MROH2A: variants seen among roughly 807,000 people sequenced by gnomAD.
MROH2A encodes maestro heat like repeat family member 2A.
MROH2A carries 174 observed loss-of-function variants against 200.4 expected under a neutral mutation model. That is an observed-to-expected ratio of 0.87 (90% CI 0.77 to 0.98). The LOEUF is 0.98. MROH2A is among the 50% of genes least tolerant of loss of function. The pLI is 0.00. For synonymous variants in MROH2A, 829 were observed against 840.4 expected, an observed-to-expected ratio of 0.99 and a Z score of 0.23; for missense variants, 2,045 against 2,139.6, an observed-to-expected ratio of 0.96 and a Z score of 0.87.
At chr2:233,809,996 A>C (rs191703296) in intron 22 of MROH2A, among the ~76,000 whole-genome samples, 147 of 152,320 alleles carry the variant, frequency 9.7e-4, no homozygotes, top group African/African-American at 3.3e-3. Flanking sequence ...AAGTGCAATC[A>C]TATGATAGTT....
intron 5 of MROH2A, among the ~76,000 whole-genome samples, chr2:233,791,066 G>A (rs1701731277): frequency 6.6e-6 from 1 of 152,230 alleles, no homozygotes; most frequent in Non-Finnish European, 1.5e-5. Context: ...GGGCAGAGAA[G>A]AGCTTGGAAT....
intron 14 of MROH2A, 128 bp downstream of exon 14, chr2:233,800,443 C>T (rs920847640): frequency 4.8e-6 from 3 of 621,958 alleles, no homozygotes; most frequent in Non-Finnish European, 8.3e-6. Context: ...GGGCCTTCCT[C>T]TTCCAGTTGC....
In MROH2A at chr2:233,779,828, C is replaced by A. The variant is rs1700853685; in HGVS notation, c.252C>A (p.Leu84=). ...AGCCTTCTGTAGTGATAAACACTCTCATCCGCTGCCTGCAGGTGCCAGAGG... is the reference window on the plus strand; with the variant it reads ...AGCCTTCTGTAGTGATAAACACTCTAATCCGCTGCCTGCAGGTGCCAGAGG... ...TTEPSVVINT[L]IRCLQVPEIS... Residue 84 remains leucine, a synonymous_variant, in exon 3 of 42, where the codon CTC becomes CTA. Transcript: ENST00000389758. The A allele has an allele frequency of 1.9e-6, 3 of 1,550,338 alleles. No individual in the cohort carries two copies. The East Asian group carries it at 7.3e-5, about 38-fold the overall frequency.
chr2:233,799,640 A>T, intron 12 of MROH2A, 140 bp from the exon 13 acceptor site: 1 of 1,071,732 alleles, frequency 9.3e-7, no homozygotes, highest in South Asian at 1.6e-5. Context: ...GGGGAGGTGG[A>T]CAGAGTGGGC....
chr2:233,816,392 T>C (rs1301957720), intron 26 of MROH2A, among the ~76,000 whole-genome samples: 1 of 152,252 alleles, frequency 6.6e-6, no homozygotes, highest in Non-Finnish European at 1.5e-5. Flanking sequence ...TTAGGATTGT[T>C]ATGTCTGGTT....
intron 29 of MROH2A, among the ~76,000 whole-genome samples, 160 bp downstream of exon 29, chr2:233,818,930 G>T (rs187553500): frequency 7.2e-5 from 11 of 152,348 alleles, no homozygotes; most frequent in Admixed American, 7.2e-4. Flanking sequence ...GTGTTGAAAG[G>T]GCCTGCAGTA....
chr2:233,788,263 GTAATAA>G (rs71973977), intron 3 of MROH2A, among the ~76,000 whole-genome samples: 94,892 of 128,270 alleles, frequency 0.74, 35,417 homozygotes, highest in East Asian at 0.85. Context: ...GTCCTTGGGA[GTAATAA>G]TAATAATAAT....
In MROH2A at chr2:233,828,521, C is replaced by T; in HGVS notation, c.4114-109C>T. On this transcript the variant is annotated intron_variant, in intron 35 of 41. Coordinates refer to ENST00000389758, the MANE Select transcript of MROH2A (RefSeq NM_001394639.1). This position sits in a 1 kb window ranked among gnomAD's most constrained non-coding sequence, Gnocchi z 4.6. ...AACGGAGGCTCTCAGAGCCCCTCCC[C>T]TCCTGTCCACAGAGCCACCAATCTG... 7.3e-7 allele frequency: 1 copy of T among 1,370,862 alleles called. No homozygotes were observed. The highest frequency in any genetic ancestry group is 1.4e-5 in the South Asian group (1 of 69,328). The allele number at this position is 1,370,862 out of a possible 1,614,324, so 84.9% of individuals were successfully genotyped here.
intron 15 of MROH2A, 145 bp downstream of exon 15, chr2:233,802,460 C>G: frequency 1.1e-6 from 1 of 892,004 alleles, no homozygotes; most frequent in Non-Finnish European, 1.7e-6. Flanking sequence ...CTATTAATGC[C>G]TACCTGGATA....
chr2:233,831,433 T>G lies in MROH2A; in HGVS notation c.4627T>G (p.Cys1543Gly). Reference protein sequence around the residue: ...AQACMATMFQCVHFWGWKSLE... With the variant: ...AQACMATMFQGVHFWGWKSLE... ...GGCCTGTATGGCTACCATGTTTCAG[T>G]GTGTGCACTTCTGGGGCTGGAAGTC... Residue 1543 changes from cysteine to glycine, a missense_variant, in exon 39 of 42, where the codon TGT (cysteine) becomes GGT (glycine). Around this residue, in one of 3 missense-constraint regions of MROH2A, gnomAD observed 1,201 missense variants for 1,311.3 expected, o/e 0.92. Transcript: ENST00000389758. The G allele has an allele frequency of 6.5e-7, 1 of 1,550,272 alleles. No homozygotes were observed. The highest frequency in any genetic ancestry group is 8.7e-7 in the Non-Finnish European group (1 of 1,146,830).
At chr2:233,803,538 T>C in intron 16 of MROH2A, 50 bp downstream of exon 16, 2 of 1,541,458 alleles carry the variant, frequency 1.3e-6, no homozygotes, top group South Asian at 2.4e-5. Context: ...CCATGCCCTG[T>C]GGCACCTCTT....
intron 38 of MROH2A, 52 bp downstream of exon 38, chr2:233,829,827 A>G (rs1704598508): frequency 1.6e-6 from 2 of 1,280,596 alleles, no homozygotes; most frequent in African/African-American, 1.5e-5. Flanking sequence ...CTGTTCCCCG[A>G]GGAAACAGGT....
At chr2:233,797,928 C>A (rs1702221014) in intron 11 of MROH2A, among the ~76,000 whole-genome samples, 1 of 152,184 alleles carries the variant, frequency 6.6e-6, no homozygotes. Context: ...CCTTGGAATA[C>A]TATGCAGCCA....
chr2:233,788,542 A>C (rs1170068502), intron 3 of MROH2A, among the ~76,000 whole-genome samples: 7 of 152,094 alleles, frequency 4.6e-5, no homozygotes, highest in African/African-American at 1.7e-4. Flanking sequence ...AGGATTCTGG[A>C]CTGTTGGGAG....
chr2:233,831,349 C>T lies in MROH2A; in HGVS notation c.4603-60C>T, dbSNP rs1704734606. ...GCCCTCTGGCTTCCTGCCAGCCTCACCCCTCTGGGGAACCACGTGGCCTGG... is the reference window on the plus strand; with the variant it reads ...GCCCTCTGGCTTCCTGCCAGCCTCATCCCTCTGGGGAACCACGTGGCCTGG... On this transcript the variant is annotated intron_variant, in intron 38 of 41. Coordinates refer to ENST00000389758, the MANE Select transcript of MROH2A (RefSeq NM_001394639.1). 3.4e-6 allele frequency: 5 copies of T among 1,488,770 alleles called. No individual in the cohort carries two copies. In the South Asian group the frequency reaches 5.4e-5, roughly 16 times the overall value. 92.2% of individuals were successfully genotyped at this position (1,488,770 alleles called of 1,614,324 possible). A position where few individuals can be genotyped will look rare whatever the true frequency, so the allele number is the denominator to read the frequency against.
In MROH2A at chr2:233,820,710, A is replaced by G. The variant is rs1703878787; in HGVS notation, c.3512+654A>G. Among the ~76,000 whole-genome samples the G allele has an allele frequency of 6.6e-6, 1 of 152,212 alleles. No homozygotes were observed. The highest frequency in any genetic ancestry group is 1.5e-5 in the Non-Finnish European group (1 of 68,034). ...CAGAAAGAGCTAGACAGTCATCCCC[A>G]GAGCAGTGGAGCCTGTGCTGGTGCA... is the stretch of plus-strand genomic sequence containing the variant. On this transcript the variant is annotated intron_variant, in intron 31 of 41. Coordinates refer to ENST00000389758, the MANE Select transcript of MROH2A (RefSeq NM_001394639.1). The surrounding 1 kb of genome is among the most constrained non-coding windows in gnomAD (Gnocchi z 4.1).
At chr2:233,782,822 C>T (rs1346235349) in intron 3 of MROH2A, among the ~76,000 whole-genome samples, 3 of 152,152 alleles carry the variant, frequency 2.0e-5, no homozygotes, top group Admixed American at 2.0e-4. Context: ...TCGATTTCTT[C>T]CATCTGGTAC....
Position 233,818,023 on chromosome 2 carries a change from T to A in MROH2A, c.2983T>A (p.Phe995Ile), listed in dbSNP as rs535125815. 1.5e-5 allele frequency: 23 copies of A among 1,550,976 alleles called. 1 individual carries two copies. In the African/African-American group the frequency reaches 2.2e-4, roughly 15 times the overall value. ...AVCIHLKLGQ[F>I]GTMVGLIAPC... is the part of the protein sequence containing the mutation. ...TCAGATCCACCTAAAGCTGGGGCAG[T>A]TTGGCACAATGGTCGGACTCATTGC... The change falls in exon 28 of 42, where the codon TTT becomes ATT. Residue 995 changes from phenylalanine to isoleucine, a missense_variant. Phe to Ile is a conservative substitution (Grantham distance 21). Coordinates refer to ENST00000389758, the MANE Select transcript of MROH2A (RefSeq NM_001394639.1).
chr2:233,790,702 T>A (rs1241747242), intron 5 of MROH2A, among the ~76,000 whole-genome samples: 2 of 133,324 alleles, frequency 1.5e-5, no homozygotes, highest in Non-Finnish European at 3.2e-5. Context: ...CTTCCTTCCT[T>A]CTCCATCCTC....
Sources: allele counts gnomAD v4.1 joint callset (sites outside exome capture counted in the v4.1 genomes callset), GRCh38; gene constraint gnomAD v4.1.1; regional missense constraint gnomAD v4.1.1; non-coding constraint Gnocchi (gnomAD v3.1); transcripts MANE v1.5; gene names NCBI Gene and HGNC (gene_info 2026-07-23, HGNC 2026-07-21).